The following RERG variants were observed in gnomAD, a reference collection of about 807,000 sequenced individuals.
The protein encoded by RERG is ras-related and estrogen-regulated growth inhibitor.
In RERG, 25 loss-of-function variants were observed where a neutral mutation model predicts 23.2. The observed-to-expected ratio is 1.08, with a 90% CI of 0.79 to 1.50. RERG has a LOEUF of 1.50. Among genes scored for constraint, RERG ranks in the 40% most tolerant of loss-of-function variants. RERG has a pLI of 0.00. For synonymous variants in RERG, 81 were observed against 89.1 expected (o/e 0.91, Z 0.51); for missense variants, 253 against 250.1 (o/e 1.01, Z -0.08).
chr12:15,192,250 T>C lies in RERG; in HGVS notation c.61+25179A>G, dbSNP rs1307217495. The stretch of plus-strand genomic sequence containing the variant: ...TGCTCCTGCTATGCGATATGCCTGC[T>C]TGCCTTCTGCCTTCTGCGATGATTG... On this transcript the variant is annotated intron_variant, in intron 2 of 4. Coordinates refer to ENST00000256953, the MANE Select transcript of RERG (RefSeq NM_032918.3). Among the ~76,000 whole-genome samples, 7 of 152,196 alleles carry C rather than the reference T, an allele frequency of 4.6e-5. No homozygotes were observed. In the East Asian group the frequency reaches 1.3e-3, roughly 29 times the overall value.
At chr12:15,151,328 G>C (rs530272421) in intron 2 of RERG, among the ~76,000 whole-genome samples, 1 of 152,266 alleles carries the variant, frequency 6.6e-6, no homozygotes. Context: ...CTTAGAAGCA[G>C]CTTGCCAGAT....
intron 1 of RERG, among the ~76,000 whole-genome samples, chr12:15,220,352 T>C (rs1014876128): frequency 5.3e-5 from 8 of 152,274 alleles, no homozygotes; most frequent in Admixed American, 2.0e-4. Context: ...GGTTTTTTTT[T>C]CCCTAAACAT....
chr12:15,110,420 A>G (rs1446207467), intron 4 of RERG, among the ~76,000 whole-genome samples: 2 of 146,078 alleles, frequency 1.4e-5, no homozygotes, highest in African/African-American at 2.6e-5. Flanking sequence ...ATAAAGTACC[A>G]TGGAAAACTT....
chr12:15,147,067 C>CAAAAA (rs544852513), intron 2 of RERG, among the ~76,000 whole-genome samples: 1 of 105,610 alleles, frequency 9.5e-6, no homozygotes, highest in Non-Finnish European at 2.2e-5. Context: ...TCAGTGAAGC[C>CAAAAA]AAAAAAAAAA....
At chr12:15,187,386 CTGGGGTCTTAGCACAAT>C (rs966133916) in intron 2 of RERG, among the ~76,000 whole-genome samples, 1 of 152,102 alleles carries the variant, frequency 6.6e-6, no homozygotes, top group Non-Finnish European at 1.5e-5. Flanking sequence ...CTCCTTAAGT[CTGGGGTCTTAGCACAAT>C]TGCTTACTTG....
At chr12:15,182,289 C>A (rs1454397256) in intron 2 of RERG, among the ~76,000 whole-genome samples, 1 of 152,020 alleles carries the variant, frequency 6.6e-6, no homozygotes, top group Non-Finnish European at 1.5e-5. Context: ...AACTCCCGGC[C>A]TTAGGTGATC....
chr12:15,162,648 A>G (rs181721817), intron 2 of RERG, among the ~76,000 whole-genome samples: 115 of 152,332 alleles, frequency 7.5e-4, no homozygotes, highest in African/African-American at 2.6e-3. Context: ...ACATACATGA[A>G]GAGCTCTTTT....
At chr12:15,161,138 AAAAGAAAGAAAGAAAG>A (rs57319626) in intron 2 of RERG, among the ~76,000 whole-genome samples, 1,580 of 41,618 alleles carry the variant, frequency 0.038, 56 homozygotes, top group Middle Eastern at 0.06. Context: ...CCATCTCAGA[AAAAGAAAGAAAGAAAG>A]AAAGAAAGAA....
intron 2 of RERG, among the ~76,000 whole-genome samples, chr12:15,181,019 C>G (rs1323330246): frequency 6.6e-6 from 1 of 152,176 alleles, no homozygotes; most frequent in Non-Finnish European, 1.5e-5. Context: ...TTTCCCACCC[C>G]CTCCCCTCGC....
At chr12:15,184,405 T>G (rs1864963176) in intron 2 of RERG, among the ~76,000 whole-genome samples, 1 of 151,366 alleles carries the variant, frequency 6.6e-6, no homozygotes, top group Non-Finnish European at 1.5e-5. Context: ...TATTCTGCTT[T>G]TCTAAACTGG....
intron 2 of RERG, among the ~76,000 whole-genome samples, chr12:15,146,501 G>A (rs890659963): frequency 5.9e-5 from 9 of 152,016 alleles, no homozygotes; most frequent in Admixed American, 4.6e-4. Flanking sequence ...AAATAAGGTC[G>A]GTATTTTATT....
intron 3 of RERG, among the ~76,000 whole-genome samples, chr12:15,117,455 C>T (rs573288937): frequency 6.6e-6 from 1 of 152,178 alleles, no homozygotes; most frequent in South Asian, 2.1e-4. Context: ...TATCTATTTT[C>T]GTATGAACGA....
intron 2 of RERG, among the ~76,000 whole-genome samples, chr12:15,166,469 T>A (rs549694623): frequency 2.6e-5 from 4 of 151,612 alleles, no homozygotes; most frequent in Admixed American, 2.0e-4. Flanking sequence ...AGTCTCATGA[T>A]AATTGATGAT....
intron 2 of RERG, among the ~76,000 whole-genome samples, chr12:15,169,874 A>G (rs561763680): frequency 6.6e-6 from 1 of 151,950 alleles, no homozygotes; most frequent in East Asian, 1.9e-4. Context: ...GAAGCCAAAC[A>G]CCACACAAGC....
At chr12:15,173,360 G>C (rs1864802288) in intron 2 of RERG, among the ~76,000 whole-genome samples, 1 of 151,906 alleles carries the variant, frequency 6.6e-6, no homozygotes. Context: ...ACACTGTTTT[G>C]ATTAATGTAG....
intron 3 of RERG, among the ~76,000 whole-genome samples, chr12:15,116,902 G>A (rs1018007102): frequency 1.3e-5 from 2 of 152,054 alleles, no homozygotes; most frequent in African/African-American, 4.8e-5. Context: ...TGAAGGGTGG[G>A]GGGATGATTA....
intron 2 of RERG, among the ~76,000 whole-genome samples, chr12:15,188,021 G>T (rs1354664627): frequency 6.6e-6 from 1 of 152,084 alleles, no homozygotes; most frequent in Non-Finnish European, 1.5e-5. Flanking sequence ...CACCAAACTG[G>T]GTTATAGAGT....
chr12:15,152,222 A>T (rs1371414288), intron 2 of RERG, among the ~76,000 whole-genome samples: 1 of 152,192 alleles, frequency 6.6e-6, no homozygotes, highest in Non-Finnish European at 1.5e-5. Flanking sequence ...GCATTAGCAA[A>T]GTCATAGGAG....
At chr12:15,160,729 C>T (rs1864591837) in intron 2 of RERG, among the ~76,000 whole-genome samples, 1 of 152,166 alleles carries the variant, frequency 6.6e-6, no homozygotes, top group African/African-American at 2.4e-5. Flanking sequence ...ATTAACGCAG[C>T]CCCACAGCTT....
Sources: gnomAD v4.1 joint callset for allele counts (sites outside exome capture counted in the v4.1 genomes callset) on GRCh38, gnomAD v4.1.1 for gene constraint, MANE v1.5 for transcripts, NCBI Gene and HGNC (gene_info 2026-07-23, HGNC 2026-07-21) for gene names.